Variants in MTFR1 observed in about 807,000 individuals in gnomAD.
The protein encoded by MTFR1 is chondrocyte protein with a poly-proline region.
MTFR1 carries 28 observed loss-of-function variants against 38.8 expected under a neutral mutation model. The ratio of observed to expected loss-of-function variants is 0.72; its 90% CI spans 0.53 to 0.99. The LOEUF (loss-of-function observed/expected upper bound fraction) is 0.99. Ranked by LOEUF, MTFR1 falls within the 50% of genes least tolerant of loss-of-function variation. The pLI, the probability that MTFR1 is intolerant of heterozygous loss-of-function variation, is 0.00. For missense variants in MTFR1, 358 were observed against 395.5 expected (o/e 0.91, Z 0.81); for synonymous variants, 145 against 137.0 (o/e 1.06, Z -0.41).
At chr8:65,757,148 G>T (rs1246667961) in intron 3 of MTFR1, among the ~76,000 whole-genome samples, 1 of 152,120 alleles carries the variant, frequency 6.6e-6, no homozygotes, top group East Asian at 1.9e-4. Context: ...TCTGGGGAAG[G>T]TCTTAGGACC....
At position 65,724,964 on chromosome 8, in the gene MTFR1, TTAAC is replaced by T. The variant is rs1299584247; in HGVS notation, c.*48+5486_*48+5489del. ...TAAAGAGAAAATATAAGACTTTCAATTAACTATTTATTGATTTTTTTTCTTAACC... is the reference window on the plus strand; with the variant it reads ...TAAAGAGAAAATATAAGACTTTCAATTATTTATTGATTTTTTTTCTTAACC... On this transcript the variant is annotated intron_variant, in intron 3 of 3. Transcript: ENST00000521247. 4.5e-6 allele frequency: 6 copies of T among 1,330,152 alleles called. No homozygotes were observed. In the African/African-American group the frequency reaches 9.0e-5, roughly 20 times the overall value. The allele number at this position is 1,330,152 out of a possible 1,614,324, so 82.4% of individuals were successfully genotyped here.
chr8:65,644,594 G>C (rs199726531), upstream of MTFR1: 1 of 152,278 alleles, frequency 6.6e-6, no homozygotes, highest in East Asian at 1.9e-4. Flanking sequence ...ACTCTCAGCA[G>C]CCGGCTTGCG....
chr8:65,659,530 A>G (rs1010186845), intron 1 of MTFR1, among the ~76,000 whole-genome samples: 5 of 150,794 alleles, frequency 3.3e-5, no homozygotes, highest in African/African-American at 1.2e-4. Context: ...CTGATTGGCT[A>G]CTTGCAAATA....
chr8:65,725,701 TAAAAC>T (rs966713288), intron 3 of MTFR1: 2 of 152,136 alleles, frequency 1.3e-5, no homozygotes, highest in Non-Finnish European at 2.9e-5. Flanking sequence ...TATTGAATGT[TAAAAC>T]AAACCCTAAA....
chr8:65,744,469 G>A (rs77569463), intron 3 of MTFR1, among the ~76,000 whole-genome samples: 3,836 of 152,122 alleles, frequency 0.025, 176 homozygotes, highest in African/African-American at 0.086. Context: ...GTTTCTGTCC[G>A]CAAAGAGAAT....
rs1419338331 is a variant in MTFR1 at position 65,689,615 on chromosome 8, C to T, written c.166-4029C>T. 9.5e-6 allele frequency: 12 copies of T among 1,267,596 alleles called. No individual in the cohort carries two copies. In the Admixed American group the frequency reaches 2.3e-4, roughly 24 times the overall value. The allele number at this position is 1,267,596 out of a possible 1,614,324, so 78.5% of individuals were successfully genotyped here. A position where few individuals can be genotyped will look rare whatever the true frequency, so the allele number is the denominator to read the frequency against. On this transcript the variant is annotated intron_variant, in intron 3 of 7. Coordinates refer to ENST00000262146, the MANE Select transcript of MTFR1 (RefSeq NM_014637.4). Reference sequence around the variant, plus strand: ...GGAACCTTCAGTAAGTTGTCCTTTTCTTTCTCAAACTTCCCATGCATGTCG... The same window carrying T: ...GGAACCTTCAGTAAGTTGTCCTTTTTTTTCTCAAACTTCCCATGCATGTCG...
At chr8:65,667,818 TCTTTTTCC>T (rs1804431744) in intron 1 of MTFR1, among the ~76,000 whole-genome samples, 1 of 152,196 alleles carries the variant, frequency 6.6e-6, no homozygotes, top group South Asian at 2.1e-4. Flanking sequence ...GATTTATGTT[TCTTTTTCC>T]CTTTTTCCCA....
chr8:65,731,385 C>T (rs1806879999), intron 3 of MTFR1, among the ~76,000 whole-genome samples: 1 of 152,178 alleles, frequency 6.6e-6, no homozygotes, highest in Non-Finnish European at 1.5e-5. Flanking sequence ...AGGTTCAGTG[C>T]TAGAGTGGGT....
intron 3 of MTFR1, chr8:65,723,437 A>G (rs1221833105): frequency 9.1e-7 from 1 of 1,093,358 alleles, no homozygotes; most frequent in East Asian, 3.4e-5. Context: ...TTTTAAAAAT[A>G]GAAATGAGCA....
In MTFR1 at chr8:65,723,570, T is replaced by C. The variant is rs1230036205; in HGVS notation, c.*48+4089T>C. 6 of 1,584,042 alleles carry C rather than the reference T, an allele frequency of 3.8e-6. No individual in the cohort carries two copies. The highest frequency in any genetic ancestry group is 5.1e-6 in the Non-Finnish European group (6 of 1,166,944). ...CTGGATGTTGGCAATAGATTCAGTG[T>C]GACGATCGCAAAGTGGACTCACACC... On this transcript the variant is annotated intron_variant, in intron 3 of 3. Transcript: ENST00000521247.
intron 2 of MTFR1, among the ~76,000 whole-genome samples, chr8:65,678,221 G>A (rs1023628827): frequency 1.3e-5 from 2 of 152,036 alleles, no homozygotes; most frequent in Non-Finnish European, 2.9e-5. Flanking sequence ...TGCACAGATG[G>A]TGACTTTTCA....
chr8:65,770,627 A>T (rs1007625700), intron 3 of MTFR1, among the ~76,000 whole-genome samples: 2 of 152,192 alleles, frequency 1.3e-5, no homozygotes, highest in African/African-American at 4.8e-5. Flanking sequence ...CCATAACTTA[A>T]TACATGTTCC....
intron 7 of MTFR1, chr8:65,708,326 C>T (rs1051129084): frequency 2.4e-6 from 1 of 412,402 alleles, no homozygotes; most frequent in African/African-American, 2.0e-5. Context: ...TCCAATGTTA[C>T]ATTTTCTATG....
chr8:65,702,636 G>A (rs1478171495), intron 4 of MTFR1, among the ~76,000 whole-genome samples: 1 of 152,024 alleles, frequency 6.6e-6, no homozygotes. Context: ...AATAGAGTAT[G>A]TTTTTTTACC....
chr8:65,712,511 G>A (rs1805977409), downstream of MTFR1, among the ~76,000 whole-genome samples: 2 of 152,198 alleles, frequency 1.3e-5, no homozygotes, highest in African/African-American at 4.8e-5. Context: ...GTTTATATAA[G>A]TAGAAATTAT....
At position 65,675,333 on chromosome 8, in the gene MTFR1, C is replaced by T. The variant is rs562964460; in HGVS notation, c.66+5315C>T. ...CAAAAAGGCCGGGCGCGGTGGCTTA[C>T]GCCTGTAATCCCAGCACTTTGGGAG... On this transcript the variant is annotated intron_variant, in intron 2 of 7. Transcript: ENST00000262146. 4.0e-5 allele frequency among the ~76,000 whole-genome samples: 6 copies of T among 150,972 alleles called. No individual in the cohort carries two copies. In the East Asian group the frequency reaches 9.9e-4, roughly 25 times the overall value.
intron 4 of MTFR1, among the ~76,000 whole-genome samples, chr8:65,702,793 T>A (rs190147733): frequency 6.6e-6 from 1 of 151,412 alleles, no homozygotes; most frequent in African/African-American, 2.4e-5. Context: ...AGGTGTATTA[T>A]ATTTAACTTA....
At chr8:65,711,456 T>C (rs568913527), downstream of MTFR1, among the ~76,000 whole-genome samples, 1 of 152,346 alleles carries the variant, frequency 6.6e-6, no homozygotes, top group African/African-American at 2.4e-5. Context: ...GACAGAAGTT[T>C]AAACTTTCAG....
At chr8:65,739,361 A>G in intron 3 of MTFR1, 1 of 950,322 alleles carries the variant, frequency 1.1e-6, no homozygotes, top group Non-Finnish European at 1.4e-6. Context: ...CAAGAGCTAA[A>G]TAACTGTGTG....
Sources: allele counts gnomAD v4.1 joint callset (sites outside exome capture counted in the v4.1 genomes callset), GRCh38; gene constraint gnomAD v4.1.1; transcripts MANE v1.5; gene names NCBI Gene and HGNC (gene_info 2026-07-23, HGNC 2026-07-21).